Variants in ZNF532 observed in about 807,000 individuals in gnomAD.
ZNF532 encodes the protein zinc finger protein 532.
ZNF532 carries 22 observed loss-of-function variants against 89.3 expected under a neutral mutation model. The observed-to-expected ratio is 0.25, with a 90% CI of 0.18 to 0.35. The LOEUF (loss-of-function observed/expected upper bound fraction) is 0.35. Among genes scored for constraint, ZNF532 ranks in the 10% least tolerant of loss-of-function variants. ZNF532 has a pLI of 1.00. For synonymous variants in ZNF532, 606 were observed against 649.6 expected (o/e 0.93, Z 1.02); for missense variants, 1,132 against 1,643.4 (o/e 0.69, Z 5.38).
rs909624139 is a variant in ZNF532, at chr18:58,865,691, A to G, written c.-18+112A>G. 5 of 152,378 alleles carry G rather than the reference A, an allele frequency of 3.3e-5. No individual in the cohort carries two copies. In the East Asian group the frequency reaches 9.6e-4, roughly 29 times the overall value. The allele number at this position is 152,378 out of a possible 1,614,324, so 9.4% of individuals were successfully genotyped here. A position where few individuals can be genotyped will look rare whatever the true frequency, so the allele number is the denominator to read the frequency against. ...GATAAAATTGGGTTCAGAGTGGAGAAGAAATGCTCTTAATGTTATCCCAGT... is the reference window on the plus strand; with the variant it reads ...GATAAAATTGGGTTCAGAGTGGAGAGGAAATGCTCTTAATGTTATCCCAGT... On this transcript the variant is annotated intron_variant, in intron 2 of 9. Transcript: ENST00000591808.
At chr18:58,945,154 C>G (rs908324043) in intron 5 of ZNF532, among the ~76,000 whole-genome samples, 2 of 152,228 alleles carry the variant, frequency 1.3e-5, no homozygotes, top group African/African-American at 4.8e-5. Context: ...CCGTCTGAAG[C>G]AGTTGCTCAG....
At chr18:58,942,351 CT>C (rs1404175089) in intron 5 of ZNF532, among the ~76,000 whole-genome samples, 1,341 of 53,230 alleles carry the variant, frequency 0.025, 56 homozygotes, top group African/African-American at 0.056. Context: ...CCCTCCCTCC[CT>C]TCCTTCCTTC....
intron 7 of ZNF532, 134 bp from the exon 8 acceptor site, chr18:58,978,921 T>G (rs2067377016): frequency 9.0e-6 from 6 of 668,220 alleles, no homozygotes; most frequent in Middle Eastern, 4.4e-4. Context: ...CCATGTGTAG[T>G]GTCATGTCAA....
At chr18:58,871,414 C>G (rs1173399036) in intron 2 of ZNF532, among the ~76,000 whole-genome samples, 1 of 152,058 alleles carries the variant, frequency 6.6e-6, no homozygotes, top group Non-Finnish European at 1.5e-5. Context: ...CATTTGATAC[C>G]GAAATGATGA....
At chr18:58,981,752 C>A in intron 9 of ZNF532, 135 bp downstream of exon 9, 2 of 1,171,400 alleles carry the variant, frequency 1.7e-6, no homozygotes, top group Non-Finnish European at 2.4e-6. Context: ...GTGGCTCATG[C>A]CCACCACTTT....
At chr18:58,876,226 G>A (rs974421346) in intron 2 of ZNF532, among the ~76,000 whole-genome samples, 1 of 152,060 alleles carries the variant, frequency 6.6e-6, no homozygotes, top group Non-Finnish European at 1.5e-5. Context: ...GAGCCACCGC[G>A]CCCAGCCTCA....
At chr18:58,881,617 G>A (rs1347936178) in intron 2 of ZNF532, among the ~76,000 whole-genome samples, 1 of 122,754 alleles carries the variant, frequency 8.1e-6, no homozygotes, top group African/African-American at 3.4e-5. Flanking sequence ...GCTCACCTCA[G>A]TTTGTCTTAT....
intron 2 of ZNF532, among the ~76,000 whole-genome samples, chr18:58,870,879 T>C (rs916369530): frequency 6.6e-6 from 1 of 151,656 alleles, no homozygotes; most frequent in Non-Finnish European, 1.5e-5. Context: ...TTTGGAAGAG[T>C]GGAGGTGGAG....
rs144685858 is a variant in ZNF532, at chr18:58,867,360, A to G, written c.-18+1781A>G. Among the ~76,000 whole-genome samples the G allele has an allele frequency of 2.0e-5, 3 of 151,986 alleles. No homozygotes were observed. In the East Asian group the frequency reaches 5.8e-4, roughly 29 times the overall value. On this transcript the variant is annotated intron_variant, in intron 2 of 9. Coordinates refer to ENST00000591808, the MANE Select transcript of ZNF532 (RefSeq NM_001375912.1). ...TAGCATTTGTTTTGCATTTAGACCA[A>G]TCTTTCCAGCTGCAAATGCTGCTGA...
chr18:58,878,809 T>G (rs2057649368), intron 2 of ZNF532, among the ~76,000 whole-genome samples: 1 of 152,248 alleles, frequency 6.6e-6, no homozygotes, highest in Non-Finnish European at 1.5e-5. Flanking sequence ...CAGGAGGACC[T>G]GACATCAAGA....
chr18:58,927,084 G>T (rs1044863545), intron 3 of ZNF532, among the ~76,000 whole-genome samples: 4 of 152,122 alleles, frequency 2.6e-5, no homozygotes, highest in Non-Finnish European at 4.4e-5. Context: ...TGTATAATTG[G>T]TGTTAGTTTT....
rs1568246383 is a variant in ZNF532, at chr18:58,888,782, TATAAA to T, written c.-18+23207_-18+23211del. 9.5e-3 allele frequency among the ~76,000 whole-genome samples: 507 copies of T among 53,328 alleles called. 26 individuals are homozygous for T. The highest frequency in any genetic ancestry group is 0.065 in the East Asian group (67 of 1,030). The allele number at this position is 53,328 out of a possible 152,430, so 35.0% of individuals were successfully genotyped here. ...AATTAATATATATAATTTATATATA[TATAAA>T]ATATATATAATTTATATATATAAAA... On this transcript the variant is annotated intron_variant, in intron 2 of 9. Coordinates refer to ENST00000591808, the MANE Select transcript of ZNF532 (RefSeq NM_001375912.1).
chr18:58,873,406 G>C (rs11664723), intron 2 of ZNF532, among the ~76,000 whole-genome samples: 152,303 of 152,304 alleles, frequency 1, 76,151 homozygotes, highest in Middle Eastern at 1. Context: ...AAGCTTTACC[G>C]AGGTACTTGT....
At chr18:58,946,581 A>G (rs938552749) in intron 5 of ZNF532, among the ~76,000 whole-genome samples, 5 of 152,092 alleles carry the variant, frequency 3.3e-5, no homozygotes, top group African/African-American at 7.2e-5. Flanking sequence ...CTAGTTTTCT[A>G]TTTAACCACT....
chr18:58,892,480 G>T (rs904554379), intron 2 of ZNF532, among the ~76,000 whole-genome samples: 2 of 152,180 alleles, frequency 1.3e-5, no homozygotes, highest in Non-Finnish European at 2.9e-5. Flanking sequence ...TTAGAAATCT[G>T]TATCCCAAAT....
intron 2 of ZNF532, among the ~76,000 whole-genome samples, chr18:58,866,970 A>T (rs2056521092): frequency 6.6e-6 from 1 of 152,240 alleles, no homozygotes; most frequent in Admixed American, 6.5e-5. Flanking sequence ...ATCATTTCTG[A>T]CTGCCAGAGG....
chr18:58,924,179 C>CT (rs2146212887), intron 3 of ZNF532, among the ~76,000 whole-genome samples: 1 of 152,288 alleles, frequency 6.6e-6, no homozygotes, highest in East Asian at 1.9e-4. Flanking sequence ...TATTTTAACA[C>CT]TTTAACTCCA....
At chr18:58,912,745 T>A (rs1439252314) in intron 2 of ZNF532, among the ~76,000 whole-genome samples, 1 of 152,246 alleles carries the variant, frequency 6.6e-6, no homozygotes, top group Non-Finnish European at 1.5e-5. Flanking sequence ...TCCATAGCTT[T>A]TTTCATAACT....
chr18:58,890,188 A>G (rs1447306484), intron 2 of ZNF532, among the ~76,000 whole-genome samples: 2 of 151,716 alleles, frequency 1.3e-5, no homozygotes, highest in Non-Finnish European at 2.9e-5. Flanking sequence ...TGGGGGTTGC[A>G]GTGAGCCGAG....
Sources: allele counts gnomAD v4.1 joint callset (sites outside exome capture counted in the v4.1 genomes callset), GRCh38; gene constraint gnomAD v4.1.1; transcripts MANE v1.5; gene names NCBI Gene and HGNC (gene_info 2026-07-23, HGNC 2026-07-21).